The following PPARGC1A variants were observed in gnomAD, a reference collection of about 807,000 sequenced individuals.
PPARGC1A encodes the protein PPARG coactivator 1 alpha, also known as peroxisome proliferator-activated receptor gamma coactivator 1-alpha.
Under a neutral mutation model 88.7 loss-of-function variants are expected in PPARGC1A, and 25 were observed. The observed-to-expected ratio is 0.28, with a 90% CI of 0.21 to 0.39. PPARGC1A has a LOEUF of 0.39. Ranked by LOEUF, PPARGC1A falls within the 10% of genes least tolerant of loss-of-function variation. The probability of loss-of-function intolerance (pLI) is 1.00; values close to 1 mark genes in which losing one functional copy is unlikely to be tolerated. For synonymous variants in PPARGC1A, 363 were observed against 355.6 expected (o/e 1.02, Z -0.24); for missense variants, 880 against 968.7 (o/e 0.91, Z 1.22).
At chr4:24,165,395 T>C in the PPARGC1A span, among the ~76,000 whole-genome samples, 1 of 152,226 alleles carries the variant, frequency 6.6e-6, no homozygotes, top group African/African-American at 2.4e-5. Context: ...TGAAACTCTC[T>C]GGATTTTTGT....
chr4:24,104,458 T>G, the PPARGC1A span, among the ~76,000 whole-genome samples: 2 of 152,128 alleles, frequency 1.3e-5, no homozygotes, highest in African/African-American at 2.4e-5. Context: ...TTCAATTCAC[T>G]GAACAAATAC....
the PPARGC1A span, among the ~76,000 whole-genome samples, chr4:24,298,013 C>T: frequency 6.6e-6 from 1 of 152,042 alleles, no homozygotes; most frequent in African/African-American, 2.4e-5. Context: ...ATAGTAGCTA[C>T]AGAGATGGAG....
At chr4:23,800,727 T>C (rs6833873) in intron 12 of PPARGC1A, among the ~76,000 whole-genome samples, 80,930 of 151,246 alleles carry the variant, frequency 0.54, 22,211 homozygotes, top group East Asian at 0.69. Context: ...TACATGATTT[T>C]AATTTTTTTC....
chr4:24,225,896 T>C, the PPARGC1A span, among the ~76,000 whole-genome samples: 73 of 151,390 alleles, frequency 4.8e-4, no homozygotes, highest in Middle Eastern at 3.4e-3. Context: ...GACAGAAAAA[T>C]GAGAAATTAA....
chr4:24,023,828 CA>C, the PPARGC1A span, among the ~76,000 whole-genome samples: 42,623 of 151,926 alleles, frequency 0.28, 6,378 homozygotes, highest in Non-Finnish European at 0.34. Context: ...TACTAAGTGG[CA>C]AAAGAAAAGT....
chr4:24,169,898 G>A, the PPARGC1A span, among the ~76,000 whole-genome samples: 11 of 152,226 alleles, frequency 7.2e-5, no homozygotes, highest in South Asian at 6.2e-4. Context: ...TATTTTACAT[G>A]ATCATACAAA....
At chr4:24,415,465 G>A in the PPARGC1A span, among the ~76,000 whole-genome samples, 1 of 152,152 alleles carries the variant, frequency 6.6e-6, no homozygotes, top group Admixed American at 6.5e-5. Context: ...AGTAGCAGAG[G>A]CCAAAGGTTT....
At chr4:24,019,088 T>A in the PPARGC1A span, among the ~76,000 whole-genome samples, 1 of 152,158 alleles carries the variant, frequency 6.6e-6, no homozygotes, top group Admixed American at 6.5e-5. Context: ...CTAAATATCA[T>A]CCACATGGTT....
Position 23,802,006 on chromosome 4 carries a change from T to G in PPARGC1A, c.2142-125A>C. 2.3e-6 allele frequency: 3 copies of G among 1,320,466 alleles called. No homozygotes were observed. In the South Asian group the frequency reaches 4.3e-5, roughly 19 times the overall value. 81.8% of individuals were successfully genotyped at this position (1,320,466 alleles called of 1,614,324 possible). ...GAGCCACTGAATCCATTTATCAGTG[T>G]GATTGTCCTGTCAAGCAGCTAAATA... is the stretch of plus-strand genomic sequence containing the variant. On this transcript the variant is annotated intron_variant, in intron 11 of 12. Coordinates refer to ENST00000264867, the MANE Select transcript of PPARGC1A (RefSeq NM_013261.5).
At chr4:24,465,072 C>T in the PPARGC1A span, among the ~76,000 whole-genome samples, 2 of 152,256 alleles carry the variant, frequency 1.3e-5, no homozygotes, top group African/African-American at 4.8e-5. Flanking sequence ...CCCTGTGTTG[C>T]TCAGGCTGGT....
At chr4:24,050,104 G>T in the PPARGC1A span, among the ~76,000 whole-genome samples, 1 of 151,102 alleles carries the variant, frequency 6.6e-6, no homozygotes, top group African/African-American at 2.4e-5. Context: ...GGCTTTTTAA[G>T]AACACTTGAA....
chr4:24,016,629 C>T, the PPARGC1A span, among the ~76,000 whole-genome samples: 1 of 152,056 alleles, frequency 6.6e-6, no homozygotes, highest in Non-Finnish European at 1.5e-5. Context: ...TCCTGAAGCC[C>T]ACAAGAGTTA....
At chr4:24,122,285 A>G in the PPARGC1A span, among the ~76,000 whole-genome samples, 1 of 151,836 alleles carries the variant, frequency 6.6e-6, no homozygotes, top group East Asian at 1.9e-4. Context: ...TTAGAGAAAA[A>G]CTAAAATACA....
At chr4:24,068,039 T>G in the PPARGC1A span, among the ~76,000 whole-genome samples, 1 of 152,144 alleles carries the variant, frequency 6.6e-6, no homozygotes, top group Non-Finnish European at 1.5e-5. Flanking sequence ...GTCTGCACAT[T>G]CACTTGTCAC....
At chr4:24,302,346 T>C in the PPARGC1A span, among the ~76,000 whole-genome samples, 2 of 152,206 alleles carry the variant, frequency 1.3e-5, no homozygotes, top group South Asian at 4.1e-4. Flanking sequence ...CACAGACTGA[T>C]GGGCAACTTT....
the PPARGC1A span, among the ~76,000 whole-genome samples, chr4:23,976,554 T>TA: frequency 6.6e-6 from 1 of 152,188 alleles, no homozygotes; most frequent in Non-Finnish European, 1.5e-5. Flanking sequence ...CACCAATACT[T>TA]ATGTGTTGAA....
At chr4:24,394,992 G>C in the PPARGC1A span, among the ~76,000 whole-genome samples, 1 of 152,200 alleles carries the variant, frequency 6.6e-6, no homozygotes, top group Non-Finnish European at 1.5e-5. Flanking sequence ...TATAACTAGA[G>C]CTATAAATTG....
chr4:24,000,873 A>G, the PPARGC1A span, among the ~76,000 whole-genome samples: 1 of 152,354 alleles, frequency 6.6e-6, no homozygotes, highest in South Asian at 2.1e-4. Flanking sequence ...ACTATGTCAC[A>G]TCATCACACA....
the PPARGC1A span, among the ~76,000 whole-genome samples, chr4:24,315,022 T>TA: frequency 0.15 from 19,721 of 131,358 alleles, 1,547 homozygotes; most frequent in South Asian, 0.2. Context: ...ATACAGACCT[T>TA]AAAAAAAAAA....
Sources: allele counts gnomAD v4.1 joint callset (sites outside exome capture counted in the v4.1 genomes callset), GRCh38; gene constraint gnomAD v4.1.1; transcripts MANE v1.5; gene names NCBI Gene and HGNC (gene_info 2026-07-23, HGNC 2026-07-21).